Variants in PXN observed in about 807,000 individuals in gnomAD.
PXN encodes paxillin, also known as testicular tissue protein Li 134.
PXN carries 61 observed loss-of-function variants against 103.6 expected under a neutral mutation model. The ratio of observed to expected loss-of-function variants is 0.59; its 90% CI spans 0.48 to 0.73. The LOEUF is 0.73. PXN is among the 30% of genes least tolerant of loss of function. PXN has a pLI of 0.00. For missense variants in PXN, 1,274 were observed against 1,460.3 expected (o/e 0.87, Z 2.08); for synonymous variants, 562 against 607.8 (o/e 0.92, Z 1.11).
rs1370976175 is a variant in PXN, at chr12:120,216,646, G to A, written c.1993-65C>T. On this transcript the variant is annotated intron_variant, in intron 8 of 14. Coordinates refer to ENST00000637617, the MANE Select transcript of PXN (RefSeq NM_001385981.1). The surrounding 1 kb of genome is among the most constrained non-coding windows in gnomAD (Gnocchi z 5.1). ...CGCCAGCTCAGCCCACAGGGGTGGC[G>A]GGACCTCCCCAGGCTCCCCCTGGGC... 6 of 1,550,618 alleles carry A rather than the reference G, an allele frequency of 3.9e-6. No homozygotes were observed. The highest frequency in any genetic ancestry group is 4.3e-5 in the Admixed American group (2 of 46,010).
chr12:120,264,404 C>T (rs1049853716), intron 1 of PXN: 1 of 152,702 alleles, frequency 6.5e-6, no homozygotes, highest in Non-Finnish European at 1.5e-5. Flanking sequence ...AAACGTTGCC[C>T]CCCTCCTCAC....
rs1208362820 is a variant in PXN, at chr12:120,211,624, T to C, written c.*690A>G. 2 of 287,586 alleles carry C rather than the reference T, an allele frequency of 7.0e-6. No individual in the cohort carries two copies. Among genetic ancestry groups the C allele is most frequent in the Admixed American group, 8.3e-5 (2 of 24,052 alleles). The allele number at this position is 287,586 out of a possible 1,614,324, so 17.8% of individuals were successfully genotyped here. A position where few individuals can be genotyped will look rare whatever the true frequency, so the allele number is the denominator to read the frequency against. Reference sequence around the variant, plus strand: ...GAAATCTATCAAAGTCGGTACAGTGTCCAGGCACGCCGTCCCGGAGACGGA... The same window carrying C: ...GAAATCTATCAAAGTCGGTACAGTGCCCAGGCACGCCGTCCCGGAGACGGA... On this transcript the variant is annotated 3_prime_UTR_variant, in exon 15 of 15. Coordinates refer to ENST00000637617, the MANE Select transcript of PXN (RefSeq NM_001385981.1).
Position 120,218,525 on chromosome 12 carries a change from C to G in PXN, c.1716+682G>C, listed in dbSNP as rs12422969. On this transcript the variant is annotated intron_variant, in intron 7 of 14. Coordinates refer to ENST00000637617, the MANE Select transcript of PXN (RefSeq NM_001385981.1). Reference sequence around the variant, plus strand: ...AGTAGCTGGGATTACAGGCATGCGCCACCATGCCCAGCTAATCTTTTTGTA... The same window carrying G: ...AGTAGCTGGGATTACAGGCATGCGCGACCATGCCCAGCTAATCTTTTTGTA... Among the ~76,000 whole-genome samples, 1,522 of 152,210 alleles carry G rather than the reference C, an allele frequency of 1.0e-2. 13 individuals carry two copies. The highest frequency in any genetic ancestry group is 0.016 in the Non-Finnish European group (1,064 of 68,010).
At chr12:120,262,876 A>G (rs1417756531) in intron 1 of PXN, among the ~76,000 whole-genome samples, 1 of 152,214 alleles carries the variant, frequency 6.6e-6, no homozygotes, top group East Asian at 1.9e-4. Flanking sequence ...CAAAGTGGAG[A>G]GAACACACAG....
chr12:120,248,492 TCACACACACACACACACACA>T (rs3221954), intron 1 of PXN, among the ~76,000 whole-genome samples: 79 of 127,944 alleles, frequency 6.2e-4, no homozygotes, highest in Non-Finnish European at 3.1e-4. Flanking sequence ...CAGATGACTT[TCACACACACACACACACACA>T]CACACACACA....
Position 120,226,063 on chromosome 12 carries a change from C to T in PXN, c.14-1686G>A, listed in dbSNP as rs1188290887. 4.6e-6 allele frequency: 5 copies of T among 1,085,744 alleles called. No homozygotes were observed. The South Asian group carries it at 7.0e-5, about 15-fold the overall frequency. The allele number at this position is 1,085,744 out of a possible 1,614,324, so 67.3% of individuals were successfully genotyped here. A position where few individuals can be genotyped will look rare whatever the true frequency, so the allele number is the denominator to read the frequency against. On this transcript the variant is annotated intron_variant, in intron 1 of 14. Transcript: ENST00000637617. ...GCCTGGCTTCCTGTCTCTAGCAAACCGGAACTAGAGGGAGTTGGTAGGTAT... is the reference window on the plus strand; with the variant it reads ...GCCTGGCTTCCTGTCTCTAGCAAACTGGAACTAGAGGGAGTTGGTAGGTAT...
intron 1 of PXN, chr12:120,227,014 T>C (rs1364489662): frequency 1.0e-6 from 1 of 986,684 alleles, no homozygotes; most frequent in Non-Finnish European, 1.2e-6. Flanking sequence ...GAATAAGGTC[T>C]TCCTCCAAGG....
rs181601418 is a variant in PXN, at chr12:120,210,606, G to C, written c.*1708C>G. On this transcript the variant is annotated 3_prime_UTR_variant, in exon 15 of 15. Transcript: ENST00000637617. ...AGAAACCCCAGTCCCTCTTGGGGAA[G>C]ATCTAGGGTGGGTCACTATAAACAG... 1 of 152,462 alleles carries C rather than the reference G, an allele frequency of 6.6e-6. No homozygotes were observed. The highest frequency in any genetic ancestry group is 6.5e-5 in the Admixed American group (1 of 15,302). The allele number at this position is 152,462 out of a possible 1,614,324, so 9.4% of individuals were successfully genotyped here.
rs1448303149 is a variant in PXN at position 120,265,641 on chromosome 12, G to C, written c.-12C>G. The C allele has an allele frequency of 1.4e-6, 2 of 1,475,136 alleles. No individual in the cohort carries two copies. Among genetic ancestry groups the C allele is most frequent in the Middle Eastern group, 4.2e-4 (2 of 4,732 alleles). 91.4% of individuals were successfully genotyped at this position (1,475,136 alleles called of 1,614,324 possible). ...CCGAGGTCGTCCATGGCCGGACCAC[G>C]GGCGCCGGCTCAGGGTCGCGCTAGC... On this transcript the variant is annotated 5_prime_UTR_variant, in exon 1 of 15. Transcript: ENST00000637617. The surrounding 1 kb of genome is among the most constrained non-coding windows in gnomAD (Gnocchi z 5.7).
In PXN at chr12:120,265,500, G is replaced by T; in HGVS notation, c.13+117C>A. On this transcript the variant is annotated intron_variant, in intron 1 of 14. Transcript: ENST00000637617. This position sits in a 1 kb window ranked among gnomAD's most constrained non-coding sequence, Gnocchi z 5.7. ...GGAGCCCCGGCCGGCAGGGACAGGA[G>T]CTGAGGCCGGGGCCGCCGAGGGTGG... 1 of 1,217,376 alleles carries T rather than the reference G, an allele frequency of 8.2e-7. No homozygotes were observed. The highest frequency in any genetic ancestry group is 1.1e-6 in the Non-Finnish European group (1 of 929,274). 75.4% of individuals were successfully genotyped at this position (1,217,376 alleles called of 1,614,324 possible).
chr12:120,212,061 C>T lies in PXN; in HGVS notation c.*253G>A. 1.4e-6 allele frequency: 1 copy of T among 721,728 alleles called. No homozygotes were observed. 44.7% of individuals were successfully genotyped at this position (721,728 alleles called of 1,614,324 possible). A position where few individuals can be genotyped will look rare whatever the true frequency, so the allele number is the denominator to read the frequency against. On this transcript the variant is annotated 3_prime_UTR_variant, in exon 15 of 15. Coordinates refer to ENST00000637617, the MANE Select transcript of PXN (RefSeq NM_001385981.1). This position sits in a 1 kb window ranked among gnomAD's most constrained non-coding sequence, Gnocchi z 7.2. ...TGGGCTGGGGTGGAGCCCCCAGCCT[C>T]TACCCCTGGGGAGGATGGAGAGTGG...
At chr12:120,238,168 C>G (rs933889429) in intron 1 of PXN, among the ~76,000 whole-genome samples, 1 of 152,126 alleles carries the variant, frequency 6.6e-6, no homozygotes, top group Non-Finnish European at 1.5e-5. Flanking sequence ...TTTCCTGAAA[C>G]AAAAAGCACC....
In PXN at chr12:120,210,767, T is replaced by C. The variant is rs1879978390; in HGVS notation, c.*1547A>G. ...CTGCCAGGAGGCCAGTGGAGTGGTT[T>C]GGACTGTCACCATTAGACCCCGGTG... On this transcript the variant is annotated 3_prime_UTR_variant, in exon 15 of 15. Coordinates refer to ENST00000637617, the MANE Select transcript of PXN (RefSeq NM_001385981.1). 1 of 152,704 alleles carries C rather than the reference T, an allele frequency of 6.5e-6. No individual in the cohort carries two copies. Among genetic ancestry groups the C allele is most frequent in the South Asian group, 2.1e-4 (1 of 4,830 alleles). 9.5% of individuals were successfully genotyped at this position (152,704 alleles called of 1,614,324 possible). A position where few individuals can be genotyped will look rare whatever the true frequency, so the allele number is the denominator to read the frequency against.
rs1250403201 is a variant in PXN at position 120,213,849 on chromosome 12, A to C, written c.2972T>G (p.Val991Gly). The change falls in exon 14 of 15, where the codon GTG becomes GGG. Residue 991 changes from valine (V) to glycine (G), a missense_variant. By Grantham distance (109) the Val-to-Gly change is moderately radical (BLOSUM62 -3). Transcript: ENST00000637617. This position sits in a 1 kb window ranked among gnomAD's most constrained non-coding sequence, Gnocchi z 4.2. ...TGGTCAGGGGCTCCTTACCCGGCAC[A>C]CAAAGCACTCAGGATGCCACAGCGT... Reference protein sequence around the residue: ...LNTLWHPECFVCRECFTPFVN... With the variant: ...LNTLWHPECFGCRECFTPFVN... The C allele has an allele frequency of 6.2e-7, 1 of 1,611,048 alleles. No individual in the cohort carries two copies. Among genetic ancestry groups the C allele is most frequent in the Non-Finnish European group, 8.5e-7 (1 of 1,178,660 alleles).
At chr12:120,259,693 G>T (rs1198975848) in intron 1 of PXN, among the ~76,000 whole-genome samples, 1 of 152,074 alleles carries the variant, frequency 6.6e-6, no homozygotes, top group Non-Finnish European at 1.5e-5. Flanking sequence ...GACTTATCAG[G>T]GTATGAATGT....
chr12:120,233,262 A>G (rs917803897), intron 1 of PXN, among the ~76,000 whole-genome samples: 1 of 152,180 alleles, frequency 6.6e-6, no homozygotes, highest in Non-Finnish European at 1.5e-5. Flanking sequence ...TCTGTGGGCA[A>G]GAACATCCTC....
intron 1 of PXN, chr12:120,227,081 T>C (rs1887018322): frequency 1.0e-6 from 1 of 986,146 alleles, no homozygotes. Context: ...CTAAGTCTTT[T>C]CTGGGTAGAA....
Position 120,220,670 on chromosome 12 carries a change from T to C in PXN, c.832-579A>G, listed in dbSNP as rs1884850560. On this transcript the variant is annotated intron_variant, in intron 6 of 14. Transcript: ENST00000637617. This position sits in a 1 kb window ranked among gnomAD's most constrained non-coding sequence, Gnocchi z 6.1. ...AGGCCAGGCCCTGAATCCAACTTAC[T>C]TGCTTCTGACCATGGCTGCTCAGAA... Among the ~76,000 whole-genome samples the C allele has an allele frequency of 6.6e-6, 1 of 152,192 alleles. No individual in the cohort carries two copies. The highest frequency in any genetic ancestry group is 6.5e-5 in the Admixed American group (1 of 15,282).
rs774459577 is a variant in PXN, at chr12:120,222,678, G to A, written c.566C>T (p.Pro189Leu). The change falls in exon 5 of 15, where the codon CCC (proline) becomes CTC (leucine). Residue 189 changes from proline (P) to leucine (L), a missense_variant. Physicochemically the swap from Pro to Leu is moderately conservative, Grantham distance 98. Transcript: ENST00000637617. The surrounding 1 kb of genome is among the most constrained non-coding windows in gnomAD (Gnocchi z 4.7). ...CAGGGGCCCAGCTTTGCCTCCCAAG[G>A]GGCTGTTAGTCTCTGGGACACCATA... ...PLYGVPETNS[P>L]LGGKAGPLTK... 2 of 1,609,204 alleles carry A rather than the reference G, an allele frequency of 1.2e-6. No homozygotes were observed. Among genetic ancestry groups the A allele is most frequent in the Non-Finnish European group, 1.7e-6 (2 of 1,178,002 alleles).
Sources: allele counts gnomAD v4.1 joint callset (sites outside exome capture counted in the v4.1 genomes callset), GRCh38; gene constraint gnomAD v4.1.1; non-coding constraint Gnocchi (gnomAD v3.1); transcripts MANE v1.5; gene names NCBI Gene and HGNC (gene_info 2026-07-23, HGNC 2026-07-21).